Variants in OTUD5 observed in about 807,000 individuals in gnomAD.
The protein encoded by OTUD5 is OTU domain-containing protein 5.
Under a neutral mutation model 36.3 loss-of-function variants are expected in OTUD5, and 2 were observed. The observed-to-expected ratio is 0.06, with a 90% CI of 0.02 to 0.17. OTUD5 has a LOEUF of 0.17. Ranked by LOEUF, OTUD5 falls within the 10% of genes least tolerant of loss-of-function variation. OTUD5 has a pLI of 1.00. For missense variants in OTUD5, 233 were observed against 512.3 expected (o/e 0.45, Z 5.26); for synonymous variants, 234 against 214.9 (o/e 1.09, Z -0.78).
Position 48,922,562 on chromosome X carries a change from GGCCT to G in OTUD5, c.*608_*611del. The G allele has an allele frequency of 1.3e-6, 1 of 755,669 alleles. No homozygotes were observed. The highest frequency in any genetic ancestry group is 8.4e-5 in the Admixed American group (1 of 11,859). 62.3% of individuals were successfully genotyped at this position (755,669 alleles called of 1,213,427 possible). A position where few individuals can be genotyped will look rare whatever the true frequency, so the allele number is the denominator to read the frequency against. On this transcript the variant is annotated 3_prime_UTR_variant, in exon 9 of 9. Coordinates refer to ENST00000376488, the MANE Select transcript of OTUD5 (RefSeq NM_001136157.2). ...CTTTGCACCCTCCTCCATGCCCCATGGCCTGCCTGCCCAGAAAGATGCCACCTTC... is the reference window on the plus strand; with the variant it reads ...CTTTGCACCCTCCTCCATGCCCCATGGCCTGCCCAGAAAGATGCCACCTTC...
chrX:48,943,612 T>A (rs782452425), intron 2 of OTUD5, among the ~76,000 whole-genome samples: 1 of 111,531 alleles, frequency 9.0e-6, no homozygotes, highest in South Asian at 3.8e-4. Context: ...AAAAAAATTC[T>A]ATGATATAAG....
chrX:48,925,907 G>C lies in OTUD5; in HGVS notation c.1203C>G (p.Ser401=), dbSNP rs141488277. ...CCTGATCCCGCAACCACTGCAGGTA[G>C]GATTCCCGAGCCACCTGCTCCTCGA... ...EAIEEQVARE[S]YLQWLRDQEK... Residue 401 remains serine (S), a synonymous_variant, in exon 6 of 9, where the codon TCC becomes TCG. Coordinates refer to ENST00000376488, the MANE Select transcript of OTUD5 (RefSeq NM_001136157.2). The C allele has an allele frequency of 2.7e-3, 3,252 of 1,209,743 alleles. 3 individuals carry two copies. Among genetic ancestry groups the C allele is most frequent in the Non-Finnish European group, 3.2e-3 (2,843 of 894,993 alleles).
chrX:48,924,410 C>T (rs2063631029), intron 6 of OTUD5, among the ~76,000 whole-genome samples: 1 of 111,818 alleles, frequency 8.9e-6, no homozygotes, highest in Admixed American at 9.5e-5. Context: ...TGCCCTCACT[C>T]ACCAGACTCC....
chrX:48,932,304 A>T (rs2063767974), intron 5 of OTUD5, among the ~76,000 whole-genome samples: 1 of 110,149 alleles, frequency 9.1e-6, no homozygotes, highest in Non-Finnish European at 1.9e-5. Flanking sequence ...AAGTCTATTA[A>T]ATACAAAAAC....
chrX:48,934,018 G>T (rs927070871), intron 5 of OTUD5, among the ~76,000 whole-genome samples: 40 of 111,875 alleles, frequency 3.6e-4, no homozygotes, highest in African/African-American at 9.8e-4. Flanking sequence ...GGTGCTTTCT[G>T]TATCAGCCAA....
In OTUD5 at chrX:48,922,855, A is replaced by T; in HGVS notation, c.*319T>A. On this transcript the variant is annotated 3_prime_UTR_variant, in exon 9 of 9. Transcript: ENST00000376488. Reference sequence around the variant, plus strand: ...TCTCCTCTGGGGCTGCCTGGCTGCCAGTTGGTCTGTCTCTGTGTGCCTCTT... The same window carrying T: ...TCTCCTCTGGGGCTGCCTGGCTGCCTGTTGGTCTGTCTCTGTGTGCCTCTT... 1 of 844,650 alleles carries T rather than the reference A, an allele frequency of 1.2e-6. No individual in the cohort carries two copies. Among genetic ancestry groups the T allele is most frequent in the Non-Finnish European group, 1.4e-6 (1 of 695,536 alleles). The allele number at this position is 844,650 out of a possible 1,213,427, so 69.6% of individuals were successfully genotyped here.
rs2063606345 is a variant in OTUD5, at chrX:48,923,077, A to C, written c.*97T>G. 2.5e-6 allele frequency: 3 copies of C among 1,193,506 alleles called. No individual in the cohort carries two copies. The Admixed American group carries it at 6.6e-5, about 26-fold the overall frequency. The stretch of plus-strand genomic sequence containing the variant: ...GAAAAGAGGGGAGAGCAGAAAGAAC[A>C]GAAGGAGGCAAGAGGGAAGAAGCCA... On this transcript the variant is annotated 3_prime_UTR_variant, in exon 9 of 9. Coordinates refer to ENST00000376488, the MANE Select transcript of OTUD5 (RefSeq NM_001136157.2).
At chrX:48,937,288 G>A (rs890322399) in intron 2 of OTUD5, among the ~76,000 whole-genome samples, 3 of 112,238 alleles carry the variant, frequency 2.7e-5, no homozygotes, top group South Asian at 7.4e-4. Flanking sequence ...AGCTACTTGG[G>A]GAGCTATTTC....
Position 48,922,443 on chromosome X carries a change from G to T in OTUD5, c.*731C>A, listed in dbSNP as rs1291196739. 1 of 617,875 alleles carries T rather than the reference G, an allele frequency of 1.6e-6. No individual in the cohort carries two copies. Among genetic ancestry groups the T allele is most frequent in the Non-Finnish European group, 1.9e-6 (1 of 514,584 alleles). The allele number at this position is 617,875 out of a possible 1,213,427, so 50.9% of individuals were successfully genotyped here. A position where few individuals can be genotyped will look rare whatever the true frequency, so the allele number is the denominator to read the frequency against. Reference sequence around the variant, plus strand: ...GGTCAGGGTTTCATTGTCCAAGCCGGCCTGACACCTGCCGCCCTGCCCTTG... The same window carrying T: ...GGTCAGGGTTTCATTGTCCAAGCCGTCCTGACACCTGCCGCCCTGCCCTTG... On this transcript the variant is annotated 3_prime_UTR_variant, in exon 9 of 9. Coordinates refer to ENST00000376488, the MANE Select transcript of OTUD5 (RefSeq NM_001136157.2).
At position 48,929,254 on chromosome X, in the gene OTUD5, G is replaced by A. The variant is rs61599083; in HGVS notation, c.1060-3204C>T. 5.9e-3 allele frequency among the ~76,000 whole-genome samples: 644 copies of A among 109,670 alleles called. 6 individuals carry two copies. Among genetic ancestry groups the A allele is most frequent in the African/African-American group, 0.019 (573 of 30,111 alleles). On this transcript the variant is annotated intron_variant, in intron 5 of 8. Transcript: ENST00000376488. ...ATCAAAAAAATTAGCTGGGCGTGGT[G>A]GCGCGTGCCTGTAATCCCAGCTACT...
intron 6 of OTUD5, among the ~76,000 whole-genome samples, chrX:48,924,438 C>T (rs1557047234): frequency 2.7e-5 from 3 of 111,649 alleles, no homozygotes. Context: ...GACTAGCAGG[C>T]AAGGCGATCT....
At chrX:48,951,430 C>T (rs1557053871) in intron 1 of OTUD5, among the ~76,000 whole-genome samples, 7 of 111,437 alleles carry the variant, frequency 6.3e-5, no homozygotes, top group African/African-American at 2.3e-4. Flanking sequence ...CTGGCTAACA[C>T]AGTGAATCCC....
chrX:48,931,322 C>T (rs782654860), intron 5 of OTUD5, among the ~76,000 whole-genome samples: 1 of 112,317 alleles, frequency 8.9e-6, no homozygotes, highest in African/African-American at 3.2e-5. Context: ...ATCTTCCTCC[C>T]TAAGACCCAC....
intron 2 of OTUD5, among the ~76,000 whole-genome samples, chrX:48,937,567 CCT>C (rs1294365222): frequency 2.2e-4 from 25 of 112,331 alleles, no homozygotes; most frequent in South Asian, 1.5e-3. Flanking sequence ...GGGAAAACCC[CCT>C]GAGGGTCCCA....
intron 2 of OTUD5, among the ~76,000 whole-genome samples, chrX:48,936,807 C>A (rs915217854): frequency 4.4e-4 from 49 of 111,805 alleles, no homozygotes; most frequent in African/African-American, 1.5e-3. Flanking sequence ...TCATGCAAGT[C>A]TGATTTCCAC....
chrX:48,930,116 TAATAA>T lies in OTUD5; in HGVS notation c.1060-4071_1060-4067del, dbSNP rs1371474582. On this transcript the variant is annotated intron_variant, in intron 5 of 8. Coordinates refer to ENST00000376488, the MANE Select transcript of OTUD5 (RefSeq NM_001136157.2). ...GAGACTCTGTCTCAAAAAATAATAA[TAATAA>T]AATAAAATAAAAATAAACACCCTCA... 3.6e-5 allele frequency among the ~76,000 whole-genome samples: 4 copies of T among 110,735 alleles called. No individual in the cohort carries two copies. In the East Asian group the frequency reaches 8.4e-4, roughly 23 times the overall value.
At chrX:48,932,118 C>CA (rs2063762987) in intron 5 of OTUD5, among the ~76,000 whole-genome samples, 1 of 104,112 alleles carries the variant, frequency 9.6e-6, no homozygotes, top group Non-Finnish European at 2.0e-5. Context: ...CATTGCACTC[C>CA]AGCCTGGGTG....
At chrX:48,929,256 C>T (rs1034668822) in intron 5 of OTUD5, among the ~76,000 whole-genome samples, 27 of 108,593 alleles carry the variant, frequency 2.5e-4, no homozygotes, top group African/African-American at 8.4e-4. Flanking sequence ...GGCGTGGTGG[C>T]GCGTGCCTGT....
rs782082956 is a variant in OTUD5, at chrX:48,957,227, T to TCGCCGGGACCGC, written c.332_343dup (p.Gly111_Gly114dup). ...ACCCGCCGCCGCTGCGCCCAGCGCG[T>TCGCCGGGACCGC]CGCCGGGACCGCCGCCGGGACCACC... On this transcript the variant is annotated inframe_insertion, in exon 1 of 9. Transcript: ENST00000376488. 43 of 1,090,362 alleles carry TCGCCGGGACCGC rather than the reference T, an allele frequency of 3.9e-5. No individual in the cohort carries two copies. Among genetic ancestry groups the TCGCCGGGACCGC allele is most frequent in the Middle Eastern group, 3.2e-4 (1 of 3,096 alleles). 89.9% of individuals were successfully genotyped at this position (1,090,362 alleles called of 1,213,427 possible).
Sources: allele counts gnomAD v4.1 joint callset (sites outside exome capture counted in the v4.1 genomes callset), GRCh38; gene constraint gnomAD v4.1.1; transcripts MANE v1.5; gene names NCBI Gene and HGNC (gene_info 2026-07-23, HGNC 2026-07-21).